Variants in CYP7B1 observed in about 807,000 individuals in gnomAD.
CYP7B1 encodes the protein cytochrome P450 family 7 subfamily B member 1.
In CYP7B1, 29 loss-of-function variants were observed where a neutral mutation model predicts 42.7. The observed-to-expected ratio is 0.68, with a 90% confidence interval of 0.51 to 0.93. The LOEUF is 0.93. Ranked by LOEUF, CYP7B1 falls within the 40% of genes least tolerant of loss-of-function variation. The probability of loss-of-function intolerance (pLI) is 0.00; values close to 1 mark genes in which losing one functional copy is unlikely to be tolerated. For missense variants in CYP7B1, 655 were observed against 600.5 expected (o/e 1.09, Z -0.95); for synonymous variants, 235 against 218.2 (o/e 1.08, Z -0.68).
intron 1 of CYP7B1, among the ~76,000 whole-genome samples, chr8:64,668,862 TC>T (rs1384713159): frequency 6.6e-6 from 1 of 152,134 alleles, no homozygotes; most frequent in Non-Finnish European, 1.5e-5. Context: ...ACTACAAGTT[TC>T]CTCTAATTAC....
chr8:64,771,835 C>T (rs975941803), intron 1 of CYP7B1, among the ~76,000 whole-genome samples: 1 of 152,256 alleles, frequency 6.6e-6, no homozygotes, highest in African/African-American at 2.4e-5. Context: ...TTTGCCCATG[C>T]AGCTGAACAT....
At chr8:64,627,883 A>C (rs1455924505) in intron 1 of CYP7B1, among the ~76,000 whole-genome samples, 1 of 152,202 alleles carries the variant, frequency 6.6e-6, no homozygotes, top group Non-Finnish European at 1.5e-5. Flanking sequence ...ATTTGTAAAA[A>C]TTATTTAGGG....
At chr8:64,687,140 A>T (rs201849372) in intron 1 of CYP7B1, among the ~76,000 whole-genome samples, 40 of 126,866 alleles carry the variant, frequency 3.2e-4, no homozygotes, top group South Asian at 8.8e-4. Context: ...AAATAAATTT[A>T]AAAAAAAAAC....
At chr8:64,686,058 GT>G (rs1806632619) in intron 1 of CYP7B1, among the ~76,000 whole-genome samples, 2 of 129,934 alleles carry the variant, frequency 1.5e-5, no homozygotes, top group African/African-American at 3.0e-5. Context: ...GATGGGGGGG[GT>G]CAGCCCCCCC....
intron 4 of CYP7B1, among the ~76,000 whole-genome samples, chr8:64,605,090 T>C (rs1210821761): frequency 6.6e-6 from 1 of 152,150 alleles, no homozygotes; most frequent in East Asian, 1.9e-4. Context: ...AAGGCAGCAG[T>C]GTTGTACCTG....
intron 1 of CYP7B1, among the ~76,000 whole-genome samples, chr8:64,698,882 C>G (rs1806871938): frequency 6.6e-6 from 1 of 152,156 alleles, no homozygotes; most frequent in Non-Finnish European, 1.5e-5. Context: ...CCTGATCATT[C>G]ACTCATTAGA....
intron 1 of CYP7B1, among the ~76,000 whole-genome samples, chr8:64,697,120 G>A (rs964613147): frequency 1.3e-5 from 2 of 152,140 alleles, no homozygotes; most frequent in African/African-American, 4.8e-5. Flanking sequence ...AATCTGTTTG[G>A]AGAATGAATG....
intron 1 of CYP7B1, among the ~76,000 whole-genome samples, chr8:64,738,748 C>T (rs1011483006): frequency 1.3e-5 from 2 of 152,198 alleles, no homozygotes; most frequent in African/African-American, 4.8e-5. Flanking sequence ...GCAGGGCAAA[C>T]TGCCACCCCA....
rs145594046 is a variant in CYP7B1, at chr8:64,719,008, T to A, written c.122+79458A>T. Among the ~76,000 whole-genome samples, 4 of 152,316 alleles carry A rather than the reference T, an allele frequency of 2.6e-5. No homozygotes were observed. The East Asian group carries it at 7.7e-4, about 29-fold the overall frequency. On this transcript the variant is annotated intron_variant, in intron 1 of 5. Coordinates refer to ENST00000310193, the MANE Select transcript of CYP7B1 (RefSeq NM_004820.5). ...TTGTGAGGTCACTGGAACAGATTTT[T>A]AAGGAATTTCAGCTCATAACACACA...
intron 1 of CYP7B1, among the ~76,000 whole-genome samples, chr8:64,766,241 T>G (rs912280171): frequency 1.3e-5 from 2 of 152,106 alleles, no homozygotes; most frequent in African/African-American, 4.8e-5. Context: ...TTCAATGATG[T>G]CCACTATAAC....
At chr8:64,768,257 T>A (rs1486167044) in intron 1 of CYP7B1, among the ~76,000 whole-genome samples, 1 of 151,970 alleles carries the variant, frequency 6.6e-6, no homozygotes, top group African/African-American at 2.4e-5. Context: ...GGGACAATGA[T>A]CGGGATATAA....
At chr8:64,605,508 C>T (rs1400652261) in intron 4 of CYP7B1, among the ~76,000 whole-genome samples, 1 of 152,202 alleles carries the variant, frequency 6.6e-6, no homozygotes, top group Non-Finnish European at 1.5e-5. Flanking sequence ...AATGTCCTTC[C>T]TTTCCCAGTG....
intron 1 of CYP7B1, among the ~76,000 whole-genome samples, chr8:64,777,117 C>T (rs923153361): frequency 1.4e-5 from 2 of 143,066 alleles, no homozygotes; most frequent in Admixed American, 7.2e-5. Flanking sequence ...TGAGGAAAGA[C>T]ATCTTCTCTA....
At chr8:64,668,928 C>T (rs544257013) in intron 1 of CYP7B1, among the ~76,000 whole-genome samples, 13 of 151,946 alleles carry the variant, frequency 8.6e-5, no homozygotes, top group African/African-American at 3.1e-4. Flanking sequence ...AAAATATGTT[C>T]GAATCCCATA....
At chr8:64,650,039 T>A (rs1186379064) in intron 1 of CYP7B1, among the ~76,000 whole-genome samples, 2 of 152,234 alleles carry the variant, frequency 1.3e-5, no homozygotes, top group South Asian at 4.1e-4. Flanking sequence ...TTTCCTTTGA[T>A]GTGAAAAAGT....
Position 64,591,822 on chromosome 8 carries a change from T to C in CYP7B1, c.*4820A>G, listed in dbSNP as rs1035748323. 3.9e-5 allele frequency among the ~76,000 whole-genome samples: 6 copies of C among 152,212 alleles called. No homozygotes were observed. Among genetic ancestry groups the C allele is most frequent in the Admixed American group, 2.0e-4 (3 of 15,274 alleles). On this transcript the variant is annotated 3_prime_UTR_variant, in exon 6 of 6. Coordinates refer to ENST00000310193, the MANE Select transcript of CYP7B1 (RefSeq NM_004820.5). ...GCTGAGTGTTTCATTACGTTGGTCA[T>C]TGATATAAAACAATATTTTGGGTAT...
At chr8:64,646,516 G>A (rs531132479) in intron 1 of CYP7B1, among the ~76,000 whole-genome samples, 1 of 152,200 alleles carries the variant, frequency 6.6e-6, no homozygotes, top group Admixed American at 6.5e-5. Context: ...AGCTGCATTA[G>A]CCCCTAAGAA....
intron 1 of CYP7B1, among the ~76,000 whole-genome samples, chr8:64,686,311 C>T (rs1266886270): frequency 7.7e-5 from 3 of 39,018 alleles, no homozygotes; most frequent in Non-Finnish European, 1.1e-4. Context: ...CCAGCCGCCC[C>T]GTCCGGGAGG....
intron 1 of CYP7B1, among the ~76,000 whole-genome samples, chr8:64,797,822 T>C (rs1392965772): frequency 1.3e-5 from 2 of 152,228 alleles, no homozygotes; most frequent in Non-Finnish European, 2.9e-5. Context: ...TATCTGAACT[T>C]CTCTATTTCT....
Sources: allele counts gnomAD v4.1 joint callset (sites outside exome capture counted in the v4.1 genomes callset), GRCh38; gene constraint gnomAD v4.1.1; transcripts MANE v1.5; gene names NCBI Gene and HGNC (gene_info 2026-07-23, HGNC 2026-07-21).